Variants in MAN1A1 observed in about 807,000 individuals in gnomAD.
MAN1A1 encodes mannosidase alpha class 1A member 1.
Under a neutral mutation model 70.8 loss-of-function variants are expected in MAN1A1, and 29 were observed. That is an observed-to-expected ratio of 0.41 (90% CI 0.31 to 0.56). MAN1A1 has a LOEUF of 0.56. Ranked by LOEUF, MAN1A1 falls within the 20% of genes least tolerant of loss-of-function variation. The pLI is 0.29. For synonymous variants in MAN1A1, 349 were observed against 330.1 expected (o/e 1.06, Z -0.62); for missense variants, 747 against 841.3 (o/e 0.89, Z 1.39).
intron 10 of MAN1A1, among the ~76,000 whole-genome samples, chr6:119,189,413 G>C (rs990371478): frequency 1.3e-5 from 2 of 152,190 alleles, no homozygotes; most frequent in Non-Finnish European, 2.9e-5. Flanking sequence ...GGCAAAAGCA[G>C]AAGTCAGTAA....
At chr6:119,296,725 A>T (rs975134467) in intron 4 of MAN1A1, among the ~76,000 whole-genome samples, 14 of 152,284 alleles carry the variant, frequency 9.2e-5, no homozygotes, top group Middle Eastern at 3.4e-3. Flanking sequence ...AGAAAAAAAA[A>T]AAGTCACTGT....
rs1462173614 is a variant in MAN1A1, at chr6:119,314,602, C to T, written c.604-7610G>A. On this transcript the variant is annotated intron_variant, in intron 2 of 12. Coordinates refer to ENST00000368468, the MANE Select transcript of MAN1A1 (RefSeq NM_005907.4). The stretch of plus-strand genomic sequence containing the variant: ...TTTCTCCACTATACACTGAACAGAG[C>T]CCTCACTTTTTTGCTGCTTGCAAAC... Among the ~76,000 whole-genome samples, 5 of 152,170 alleles carry T rather than the reference C, an allele frequency of 3.3e-5. No individual in the cohort carries two copies. The East Asian group carries it at 9.6e-4, about 29-fold the overall frequency.
At chr6:119,305,082 TTAA>T (rs1772491937) in intron 3 of MAN1A1, among the ~76,000 whole-genome samples, 1 of 152,204 alleles carries the variant, frequency 6.6e-6, no homozygotes, top group African/African-American at 2.4e-5. Flanking sequence ...ATTTGAATTA[TTAA>T]TATTTCATTT....
chr6:119,244,014 G>A (rs1425862412), intron 6 of MAN1A1, among the ~76,000 whole-genome samples: 1 of 151,998 alleles, frequency 6.6e-6, no homozygotes, highest in Non-Finnish European at 1.5e-5. Flanking sequence ...TATCAAGAAA[G>A]ACAGAAAAAT....
chr6:119,342,921 C>G (rs1390016214), intron 2 of MAN1A1, among the ~76,000 whole-genome samples: 2 of 152,078 alleles, frequency 1.3e-5, no homozygotes, highest in African/African-American at 4.8e-5. Flanking sequence ...CTCTCCCTTC[C>G]TTCTTCTTCC....
intron 6 of MAN1A1, among the ~76,000 whole-genome samples, chr6:119,220,753 T>C (rs1021146884): frequency 1.3e-5 from 2 of 152,200 alleles, no homozygotes; most frequent in Non-Finnish European, 2.9e-5. Context: ...TTTCAGATAC[T>C]ACAGGATGTC....
intron 4 of MAN1A1, among the ~76,000 whole-genome samples, chr6:119,297,277 C>T (rs1350642673): frequency 6.6e-6 from 1 of 152,146 alleles, no homozygotes; most frequent in African/African-American, 2.4e-5. Context: ...AAACAGATGA[C>T]ACAATACAGC....
chr6:119,220,488 A>G (rs1472678860), intron 6 of MAN1A1, among the ~76,000 whole-genome samples: 1 of 152,232 alleles, frequency 6.6e-6, no homozygotes, highest in Non-Finnish European at 1.5e-5. Flanking sequence ...TTAAACTTCT[A>G]GCCCTTCATA....
chr6:119,212,897 T>G (rs1324728339), intron 6 of MAN1A1, among the ~76,000 whole-genome samples: 1 of 152,178 alleles, frequency 6.6e-6, no homozygotes, highest in Admixed American at 6.5e-5. Flanking sequence ...TCACTACACT[T>G]CAGAGTGGGT....
rs1354771816 is a variant in MAN1A1 at position 119,349,551 on chromosome 6, G to C, written c.-232C>G. Reference sequence around the variant, plus strand: ...GGGAGGGGCAGCGCACCTCTGGGCAGGAGGGGCGCAGCGTGGGCGGGAGAC... The same window carrying C: ...GGGAGGGGCAGCGCACCTCTGGGCACGAGGGGCGCAGCGTGGGCGGGAGAC... On this transcript the variant is annotated 5_prime_UTR_variant, in exon 1 of 13. Coordinates refer to ENST00000368468, the MANE Select transcript of MAN1A1 (RefSeq NM_005907.4). 3.0e-6 allele frequency: 3 copies of C among 986,270 alleles called. No homozygotes were observed. Among genetic ancestry groups the C allele is most frequent in the Non-Finnish European group, 3.6e-6 (3 of 830,244 alleles). The allele number at this position is 986,270 out of a possible 1,614,324, so 61.1% of individuals were successfully genotyped here.
At chr6:119,196,565 G>A (rs900335265) in intron 8 of MAN1A1, among the ~76,000 whole-genome samples, 1 of 152,144 alleles carries the variant, frequency 6.6e-6, no homozygotes, top group Admixed American at 6.5e-5. Context: ...AAGGTGAGGT[G>A]TACTGTAGTC....
intron 4 of MAN1A1, among the ~76,000 whole-genome samples, chr6:119,293,996 T>C (rs903327956): frequency 6.6e-6 from 1 of 152,062 alleles, no homozygotes; most frequent in Non-Finnish European, 1.5e-5. Context: ...AGACACTCAA[T>C]AGACAGCTGT....
chr6:119,222,192 G>GC (rs1461556991), intron 6 of MAN1A1, among the ~76,000 whole-genome samples: 1 of 151,970 alleles, frequency 6.6e-6, no homozygotes, highest in Admixed American at 6.6e-5. Flanking sequence ...AGTACTGTTA[G>GC]CATAAGATAA....
At chr6:119,216,069 T>G (rs1020393638) in intron 6 of MAN1A1, among the ~76,000 whole-genome samples, 1 of 152,124 alleles carries the variant, frequency 6.6e-6, no homozygotes, top group Admixed American at 6.5e-5. Context: ...CTGGTGTAGC[T>G]GACAGTCAGT....
intron 2 of MAN1A1, 62 bp downstream of exon 2, chr6:119,348,401 C>CT: frequency 6.9e-7 from 1 of 1,448,232 alleles, no homozygotes; most frequent in Non-Finnish European, 9.4e-7. Context: ...GTTTCAAAGG[C>CT]TTGCCGTTTC....
In MAN1A1 at chr6:119,349,142, G is replaced by C. The variant is rs1313366293; in HGVS notation, c.-77C>G. On this transcript the variant is annotated 5_prime_UTR_variant, in exon 2 of 13. Coordinates refer to ENST00000368468, the MANE Select transcript of MAN1A1 (RefSeq NM_005907.4). ...GCCGCCGCTGGGAGTCCGCGGCTGCGGGGCTGGGTCCTGCGTAGCCAGGCC... is the reference window on the plus strand; with the variant it reads ...GCCGCCGCTGGGAGTCCGCGGCTGCCGGGCTGGGTCCTGCGTAGCCAGGCC... 1 of 1,253,356 alleles carries C rather than the reference G, an allele frequency of 8.0e-7. No individual in the cohort carries two copies. Among genetic ancestry groups the C allele is most frequent in the African/African-American group, 1.6e-5 (1 of 63,944 alleles). The allele number at this position is 1,253,356 out of a possible 1,614,324, so 77.6% of individuals were successfully genotyped here. A position where few individuals can be genotyped will look rare whatever the true frequency, so the allele number is the denominator to read the frequency against.
chr6:119,232,305 G>A (rs1774703134), intron 6 of MAN1A1, among the ~76,000 whole-genome samples: 1 of 145,588 alleles, frequency 6.9e-6, no homozygotes, highest in Non-Finnish European at 1.5e-5. Flanking sequence ...CCTGGGAGGT[G>A]TAGCTTGCAG....
rs183162032 is a variant in MAN1A1 at position 119,232,545 on chromosome 6, C to A, written c.992+15715G>T. Among the ~76,000 whole-genome samples, 913 of 152,066 alleles carry A rather than the reference C, an allele frequency of 6.0e-3. 7 individuals carry two copies. Among genetic ancestry groups the A allele is most frequent in the African/African-American group, 0.021 (866 of 41,462 alleles). ...CCCTGAGTATTGGGAAGTTTAAAAG[C>A]ATAAAATTATTTCTTTCGGTTCCAA... On this transcript the variant is annotated intron_variant, in intron 6 of 12. Transcript: ENST00000368468.
In MAN1A1 at chr6:119,335,584, A is replaced by C. The variant is rs142112370; in HGVS notation, c.603+12879T>G. Among the ~76,000 whole-genome samples the C allele has an allele frequency of 5.0e-4, 76 of 152,366 alleles. 2 individuals are homozygous for C. The East Asian group carries it at 0.013, about 26-fold the overall frequency. On this transcript the variant is annotated intron_variant, in intron 2 of 12. Transcript: ENST00000368468. ...TTCTAGGGTGTCTGAAATCTACTTG[A>C]AAGATAACATATATGCACACAAAAT... is the stretch of plus-strand genomic sequence containing the variant.
Sources: allele counts gnomAD v4.1 joint callset (sites outside exome capture counted in the v4.1 genomes callset), GRCh38; gene constraint gnomAD v4.1.1; transcripts MANE v1.5; gene names NCBI Gene and HGNC (gene_info 2026-07-23, HGNC 2026-07-21).